LOC400499: variants seen among roughly 807,000 people sequenced by gnomAD.
At chr16:11,414,695 C>G in the LOC400499 span, 1 of 396,952 alleles carries the variant, frequency 2.5e-6, no homozygotes, top group Non-Finnish European at 4.4e-6. Flanking sequence ...GTGACATCAT[C>G]TGTCATAATT....
the LOC400499 span, chr16:11,515,856 G>A: frequency 7.4e-5 from 14 of 187,986 alleles, no homozygotes; most frequent in South Asian, 3.2e-4. Flanking sequence ...GCCCGGCCCA[G>A]CCCAGCCCAG....
the LOC400499 span, among the ~76,000 whole-genome samples, chr16:11,419,127 C>G: frequency 1.3e-5 from 2 of 152,168 alleles, no homozygotes; most frequent in Non-Finnish European, 2.9e-5. Context: ...GATCACACTA[C>G]TGTACTCCAG....
the LOC400499 span, chr16:11,477,852 C>G: frequency 2.5e-6 from 1 of 399,028 alleles, no homozygotes; most frequent in African/African-American, 2.1e-5. Flanking sequence ...ACAGAGAAAT[C>G]CGAGCGCTGC....
At chr16:11,430,607 G>GAAAT in the LOC400499 span, among the ~76,000 whole-genome samples, 1 of 152,204 alleles carries the variant, frequency 6.6e-6, no homozygotes, top group African/African-American at 2.4e-5. Context: ...AATGATAAGG[G>GAAAT]AAATGTAAAA....
the LOC400499 span, chr16:11,384,452 C>T: frequency 6.6e-6 from 3 of 454,150 alleles, no homozygotes; most frequent in Non-Finnish European, 7.2e-6. Flanking sequence ...TAGAGTCCCA[C>T]CACCTCCACC....
the LOC400499 span, chr16:11,494,664 G>A: frequency 2.5e-6 from 1 of 399,350 alleles, no homozygotes; most frequent in Non-Finnish European, 4.4e-6. Context: ...CCAGGCAGCT[G>A]GCCGCAGGGC....
the LOC400499 span, chr16:11,411,407 G>C: frequency 5.0e-6 from 2 of 398,752 alleles, no homozygotes; most frequent in Non-Finnish European, 8.8e-6. Flanking sequence ...TCGAGACCAA[G>C]GGGACTTCCC....
At chr16:11,459,972 C>G in the LOC400499 span, 1 of 1,515,556 alleles carries the variant, frequency 6.6e-7, no homozygotes, top group Non-Finnish European at 8.8e-7. Context: ...CCTCTTGTTG[C>G]TGTTCTTGTC....
the LOC400499 span, chr16:11,491,794 G>A: frequency 5.0e-6 from 2 of 398,978 alleles, no homozygotes; most frequent in East Asian, 3.6e-5. Context: ...GCATTGATAC[G>A]GATCTCAGCA....
At chr16:11,485,272 C>G in the LOC400499 span, among the ~76,000 whole-genome samples, 1 of 152,148 alleles carries the variant, frequency 6.6e-6, no homozygotes, top group Non-Finnish European at 1.5e-5. Context: ...TTGGTAGATG[C>G]CACACGGTAA....
At chr16:11,383,665 G>C in the LOC400499 span, 1 of 1,232,160 alleles carries the variant, frequency 8.1e-7, no homozygotes, top group South Asian at 4.1e-5. Context: ...AGGGGCCAGG[G>C]GTACGAATCC....
chr16:11,382,758 C>A, the LOC400499 span, among the ~76,000 whole-genome samples: 8 of 152,004 alleles, frequency 5.3e-5, no homozygotes, highest in South Asian at 4.1e-4. Flanking sequence ...TGCAGTGAGC[C>A]GAGATTGTGC....
the LOC400499 span, chr16:11,449,127 G>A: frequency 7.0e-7 from 1 of 1,423,314 alleles, no homozygotes; most frequent in South Asian, 1.4e-5. Context: ...GGTGAGGAGG[G>A]GGACCAAGGC....
chr16:11,442,354 G>A, the LOC400499 span: 2 of 152,344 alleles, frequency 1.3e-5, no homozygotes, highest in African/African-American at 2.4e-5. Context: ...CTGAGTAACT[G>A]GGATTACAGG....
At chr16:11,375,972 C>A in the LOC400499 span, among the ~76,000 whole-genome samples, 1 of 152,198 alleles carries the variant, frequency 6.6e-6, no homozygotes, top group Non-Finnish European at 1.5e-5. Context: ...CGCCTGACCT[C>A]AGGTGATCCA....
the LOC400499 span, among the ~76,000 whole-genome samples, chr16:11,514,983 G>A: frequency 2.0e-5 from 3 of 152,154 alleles, no homozygotes; most frequent in Non-Finnish European, 4.4e-5. Context: ...CAGGGAGCTA[G>A]AGACAGAGGC....
At chr16:11,440,026 C>T in the LOC400499 span, among the ~76,000 whole-genome samples, 39 of 152,210 alleles carry the variant, frequency 2.6e-4, no homozygotes, top group Admixed American at 4.6e-4. Context: ...GAAGGTTACA[C>T]AGCTAGTTAA....
chr16:11,378,757 A>C, the LOC400499 span, among the ~76,000 whole-genome samples: 1 of 152,186 alleles, frequency 6.6e-6, no homozygotes, highest in African/African-American at 2.4e-5. Flanking sequence ...TTTTCCTTCT[A>C]GTATGATTTC....
chr16:11,450,054 C>G, the LOC400499 span, among the ~76,000 whole-genome samples: 1 of 152,232 alleles, frequency 6.6e-6, no homozygotes, highest in Non-Finnish European at 1.5e-5. Flanking sequence ...CCTGGTGCCA[C>G]CCAGCCCTGC....
Sources: allele counts gnomAD v4.1 joint callset (sites outside exome capture counted in the v4.1 genomes callset), GRCh38; gene constraint gnomAD v4.1.1; transcripts MANE v1.5.